JAKMIP2: variants seen among roughly 807,000 people sequenced by gnomAD.
JAKMIP2 encodes janus kinase and microtubule-interacting protein 2.
In JAKMIP2, 25 loss-of-function variants were observed where a neutral mutation model predicts 115.0. The observed-to-expected ratio is 0.22, with a 90% CI of 0.16 to 0.30. The LOEUF is 0.30. Ranked by LOEUF, JAKMIP2 falls within the 10% of genes least tolerant of loss-of-function variation. The pLI is 1.00. For synonymous variants in JAKMIP2, 334 were observed against 343.6 expected, an observed-to-expected ratio of 0.97 and a Z score of 0.31; for missense variants, 642 against 957.6, an observed-to-expected ratio of 0.67 and a Z score of 4.35.
intron 12 of JAKMIP2, among the ~76,000 whole-genome samples, chr5:147,635,363 A>C (rs1757562995): frequency 6.6e-6 from 1 of 152,036 alleles, no homozygotes; most frequent in South Asian, 2.1e-4. Context: ...AATTTCCAGG[A>C]ATACTGTTTT....
At chr5:147,622,443 G>C (rs1483750631) in intron 17 of JAKMIP2, among the ~76,000 whole-genome samples, 1 of 152,140 alleles carries the variant, frequency 6.6e-6, no homozygotes, top group Non-Finnish European at 1.5e-5. Flanking sequence ...GGCAACCACA[G>C]TCTACTGTCT....
chr5:147,729,573 A>G (rs1009317199), intron 1 of JAKMIP2, among the ~76,000 whole-genome samples: 2 of 152,028 alleles, frequency 1.3e-5, no homozygotes, highest in African/African-American at 4.8e-5. Flanking sequence ...GGAGATTGAG[A>G]CCATCCTGGC....
intron 1 of JAKMIP2, among the ~76,000 whole-genome samples, chr5:147,679,137 T>C (rs1485938263): frequency 6.6e-6 from 1 of 152,000 alleles, no homozygotes; most frequent in South Asian, 2.1e-4. Context: ...TGCACCAACA[T>C]GCCCGGCTAA....
intron 1 of JAKMIP2, among the ~76,000 whole-genome samples, chr5:147,773,776 C>A (rs1224143778): frequency 1.3e-5 from 2 of 152,080 alleles, no homozygotes; most frequent in Admixed American, 1.3e-4. Context: ...ATGCAACAAT[C>A]GATTTCCCTT....
chr5:147,610,356 C>T (rs1206447805), intron 20 of JAKMIP2, among the ~76,000 whole-genome samples: 1 of 152,140 alleles, frequency 6.6e-6, no homozygotes, highest in African/African-American at 2.4e-5. Context: ...TGGTGACCTT[C>T]GGATACAGTT....
chr5:147,746,686 A>C (rs554501517), intron 1 of JAKMIP2, among the ~76,000 whole-genome samples: 3 of 152,232 alleles, frequency 2.0e-5, no homozygotes, highest in African/African-American at 7.2e-5. Flanking sequence ...ATTTTTATAC[A>C]GTATCCTCAT....
At chr5:147,644,770 G>A in intron 6 of JAKMIP2, 80 bp downstream of exon 6, 1 of 1,243,814 alleles carries the variant, frequency 8.0e-7, no homozygotes. Flanking sequence ...TTTAAAATAA[G>A]CTGAGAAATG....
At chr5:147,738,051 G>A (rs1402320901) in intron 1 of JAKMIP2, among the ~76,000 whole-genome samples, 1 of 152,034 alleles carries the variant, frequency 6.6e-6, no homozygotes, top group Non-Finnish European at 1.5e-5. Context: ...GCTCAACTGT[G>A]AGCACACGTT....
chr5:147,712,469 T>C (rs183445535), intron 1 of JAKMIP2, among the ~76,000 whole-genome samples: 5 of 152,276 alleles, frequency 3.3e-5, no homozygotes, highest in Admixed American at 1.3e-4. Flanking sequence ...AATGATGACA[T>C]TTTACATACA....
intron 1 of JAKMIP2, among the ~76,000 whole-genome samples, chr5:147,721,203 C>T (rs1297141421): frequency 2.6e-5 from 4 of 151,326 alleles, no homozygotes; most frequent in East Asian, 3.9e-4. Context: ...GCAGTCTGCC[C>T]GTTCTCAGAT....
At chr5:147,691,523 A>G (rs1751859061) in intron 1 of JAKMIP2, among the ~76,000 whole-genome samples, 1 of 152,200 alleles carries the variant, frequency 6.6e-6, no homozygotes, top group Non-Finnish European at 1.5e-5. Context: ...CTCACCTTTT[A>G]TATGAAAAAA....
intron 1 of JAKMIP2, among the ~76,000 whole-genome samples, chr5:147,711,769 G>A: frequency 6.6e-6 from 1 of 152,152 alleles, no homozygotes; most frequent in East Asian, 1.9e-4. Context: ...CTGGGTTGAA[G>A]CGATTCTCCG....
intron 1 of JAKMIP2, among the ~76,000 whole-genome samples, chr5:147,696,779 C>A (rs1752123315): frequency 6.6e-6 from 1 of 152,132 alleles, no homozygotes; most frequent in Non-Finnish European, 1.5e-5. Flanking sequence ...CAATGAAATC[C>A]AGGCTGAGGT....
chr5:147,641,597 C>T, intron 8 of JAKMIP2, 111 bp downstream of exon 8: 1 of 696,998 alleles, frequency 1.4e-6, no homozygotes, highest in Non-Finnish European at 2.5e-6. Context: ...TGGTTTGCTG[C>T]AACAGTTCTG....
At chr5:147,631,851 C>T (rs941305098) in intron 13 of JAKMIP2, among the ~76,000 whole-genome samples, 2 of 152,094 alleles carry the variant, frequency 1.3e-5, no homozygotes, top group Admixed American at 1.3e-4. Flanking sequence ...CCGCTAACAG[C>T]CTTTTGCATA....
chr5:147,702,575 A>G (rs187360789), intron 1 of JAKMIP2, among the ~76,000 whole-genome samples: 7,800 of 106,862 alleles, frequency 0.073, 833 homozygotes, highest in East Asian at 0.24. Context: ...AAAGAAAGAA[A>G]GAAGGAAAGA....
intron 2 of JAKMIP2, among the ~76,000 whole-genome samples, chr5:147,669,952 A>C (rs1350888477): frequency 6.6e-6 from 1 of 152,212 alleles, no homozygotes; most frequent in African/African-American, 2.4e-5. Flanking sequence ...ATGCTTGACA[A>C]GCACAAATAT....
At chr5:147,620,005 G>C (rs1013013348) in intron 18 of JAKMIP2, among the ~76,000 whole-genome samples, 9 of 151,926 alleles carry the variant, frequency 5.9e-5, no homozygotes, top group African/African-American at 2.2e-4. Context: ...CAAATGACTG[G>C]ATTTGGTTTA....
At chr5:147,773,738 A>T (rs143385603) in intron 1 of JAKMIP2, among the ~76,000 whole-genome samples, 14 of 152,268 alleles carry the variant, frequency 9.2e-5, no homozygotes, top group Non-Finnish European at 1.8e-4. Flanking sequence ...AAACCTGTAG[A>T]GAGCAAAAAC....
Sources: gnomAD v4.1 joint callset for allele counts (sites outside exome capture counted in the v4.1 genomes callset) on GRCh38, gnomAD v4.1.1 for gene constraint, MANE v1.5 for transcripts, NCBI Gene and HGNC (gene_info 2026-07-23, HGNC 2026-07-21) for gene names.